Variants in RFTN1 observed in about 807,000 individuals in gnomAD.
RFTN1 encodes the protein raftlin.
Under a neutral mutation model 46.5 loss-of-function variants are expected in RFTN1, and 26 were observed. That is an observed-to-expected ratio of 0.56 (90% confidence interval 0.41 to 0.78). RFTN1 has a LOEUF of 0.78. RFTN1 is among the 30% of genes least tolerant of loss of function. RFTN1 has a pLI of 0.00. For synonymous variants in RFTN1, 261 were observed against 284.2 expected (o/e 0.92, Z 0.82); for missense variants, 693 against 718.7 (o/e 0.96, Z 0.41).
intron 2 of RFTN1, 95 bp from the exon 3 acceptor site, chr3:16,434,132 T>G (rs1430213600): frequency 1.0e-6 from 1 of 1,003,868 alleles, no homozygotes; most frequent in Non-Finnish European, 1.4e-6. Context: ...GGGAGGATCC[T>G]CTAGGTCACT....
At chr3:16,495,731 C>T (rs1227796505) in intron 1 of RFTN1, among the ~76,000 whole-genome samples, 3 of 152,196 alleles carry the variant, frequency 2.0e-5, no homozygotes, top group African/African-American at 7.2e-5. Context: ...TGTCAGAGAT[C>T]CCACCACTAG....
In RFTN1 at chr3:16,428,105, T is replaced by C. The variant is rs1351865902; in HGVS notation, c.332+5746A>G. On this transcript the variant is annotated intron_variant, in intron 3 of 9. Transcript: ENST00000334133. This position sits in a 1 kb window ranked among gnomAD's most constrained non-coding sequence, Gnocchi z 4.7. Reference sequence around the variant, plus strand: ...CATCTTTGCATAGTGAAATTACATATACATATTTACCTTAGAAAAATCCAA... The same window carrying C: ...CATCTTTGCATAGTGAAATTACATACACATATTTACCTTAGAAAAATCCAA... Among the ~76,000 whole-genome samples the C allele has an allele frequency of 6.6e-6, 1 of 152,210 alleles. No homozygotes were observed. The highest frequency in any genetic ancestry group is 1.5e-5 in the Non-Finnish European group (1 of 68,026).
At position 16,334,393 on chromosome 3, in the gene RFTN1, C is replaced by T. The variant is rs1559826988; in HGVS notation, c.1147-7517G>A. On this transcript the variant is annotated intron_variant, in intron 7 of 9. Coordinates refer to ENST00000334133, the MANE Select transcript of RFTN1 (RefSeq NM_015150.2). The surrounding 1 kb of genome is among the most constrained non-coding windows in gnomAD (Gnocchi z 4.3). ...TTACAAACACATTTTCCCTTTGACC[C>T]AACAATCTCACTTCTGGGAATTTAA... is the stretch of plus-strand genomic sequence containing the variant. Among the ~76,000 whole-genome samples the T allele has an allele frequency of 6.6e-6, 1 of 152,096 alleles. No homozygotes were observed. The highest frequency in any genetic ancestry group is 1.5e-5 in the Non-Finnish European group (1 of 68,028).
intron 6 of RFTN1, among the ~76,000 whole-genome samples, chr3:16,362,786 T>C (rs2072913804): frequency 6.6e-6 from 1 of 152,166 alleles, no homozygotes. Context: ...AATTATATGA[T>C]GGTGTTTAGC....
intron 6 of RFTN1, among the ~76,000 whole-genome samples, chr3:16,360,331 C>T (rs2072751075): frequency 6.6e-6 from 1 of 152,168 alleles, no homozygotes; most frequent in African/African-American, 2.4e-5. Context: ...GCCACCACCC[C>T]AGCTAATTTT....
intron 3 of RFTN1, among the ~76,000 whole-genome samples, chr3:16,431,942 C>A (rs916184829): frequency 1.3e-5 from 2 of 152,164 alleles, no homozygotes; most frequent in African/African-American, 4.8e-5. Context: ...TTCCTGGGAG[C>A]AAGGCAGAAC....
intron 2 of RFTN1, among the ~76,000 whole-genome samples, chr3:16,464,812 A>G (rs2076062725): frequency 6.6e-6 from 1 of 152,248 alleles, no homozygotes; most frequent in Non-Finnish European, 1.5e-5. Flanking sequence ...CATCACCCAC[A>G]AAGCCCAAAA....
intron 2 of RFTN1, among the ~76,000 whole-genome samples, chr3:16,490,996 G>T (rs2076531653): frequency 1.3e-5 from 2 of 152,168 alleles, no homozygotes; most frequent in South Asian, 4.1e-4. Flanking sequence ...ATAAAAGAGA[G>T]AAAATCCCTG....
chr3:16,385,553 A>AG lies in RFTN1; in HGVS notation c.442-7452_442-7451insC, dbSNP rs1196307736. ...TATTATTGGTCAAATCAGTTGATTT[A>AG]TTTTAGCCTCAGTTTCTTAATCTAT... is the stretch of plus-strand genomic sequence containing the variant. On this transcript the variant is annotated intron_variant, in intron 4 of 9. Transcript: ENST00000334133. This position sits in a 1 kb window ranked among gnomAD's most constrained non-coding sequence, Gnocchi z 5.0. Among the ~76,000 whole-genome samples the AG allele has an allele frequency of 6.6e-6, 1 of 152,214 alleles. No homozygotes were observed. The highest frequency in any genetic ancestry group is 1.9e-4 in the East Asian group (1 of 5,204).
chr3:16,480,447 C>T lies in RFTN1; in HGVS notation c.145+13278G>A, dbSNP rs553112221. 2.0e-5 allele frequency among the ~76,000 whole-genome samples: 3 copies of T among 152,242 alleles called. No individual in the cohort carries two copies. In the South Asian group the frequency reaches 6.2e-4, roughly 32 times the overall value. On this transcript the variant is annotated intron_variant, in intron 2 of 9. Transcript: ENST00000334133. The surrounding 1 kb of genome is among the most constrained non-coding windows in gnomAD (Gnocchi z 4.3). ...GAATAGAAAAACATCTCAGTGGCTG[C>T]TAAGTGTAGCAGGTACTCCTTGCCC... is the stretch of plus-strand genomic sequence containing the variant.
At chr3:16,372,471 G>A (rs1339824847) in intron 5 of RFTN1, among the ~76,000 whole-genome samples, 1 of 152,098 alleles carries the variant, frequency 6.6e-6, no homozygotes, top group Non-Finnish European at 1.5e-5. Context: ...CCCCAACATG[G>A]GCCATAGCAC....
intron 1 of RFTN1, among the ~76,000 whole-genome samples, chr3:16,510,233 C>T (rs781457799): frequency 6.6e-6 from 1 of 152,142 alleles, no homozygotes; most frequent in African/African-American, 2.4e-5. Context: ...TTTCAGTAGC[C>T]GGCTGACCAA....
chr3:16,454,979 C>T (rs2075880485), intron 2 of RFTN1: 1 of 157,318 alleles, frequency 6.4e-6, no homozygotes, highest in East Asian at 1.9e-4. Flanking sequence ...CAGCAAAACC[C>T]AGCCTCCTCC....
rs2075828645 is a variant in RFTN1, at chr3:16,451,918, G to A, written c.146-17881C>T. Among the ~76,000 whole-genome samples the A allele has an allele frequency of 6.6e-6, 1 of 152,122 alleles. No homozygotes were observed. Among genetic ancestry groups the A allele is most frequent in the African/African-American group, 2.4e-5 (1 of 41,408 alleles). On this transcript the variant is annotated intron_variant, in intron 2 of 9. Coordinates refer to ENST00000334133, the MANE Select transcript of RFTN1 (RefSeq NM_015150.2). The surrounding 1 kb of genome is among the most constrained non-coding windows in gnomAD (Gnocchi z 4.2). ...TGGGGCCACTGTTGAGTAAAATAAG[G>A]GTGACTTGAACACAAGCAGTTCTAT...
In RFTN1 at chr3:16,405,735, T is replaced by TG; in HGVS notation, c.441+3639dup. ...AAATAATACTGGGGCATTGTTCTTA[T>TG]GAAAAAATCTAATCCTTTTGAGTTT... On this transcript the variant is annotated intron_variant, in intron 4 of 9. Transcript: ENST00000334133. Among the ~76,000 whole-genome samples, 2 of 152,308 alleles carry TG rather than the reference T, an allele frequency of 1.3e-5. 1 individual carries two copies. Among genetic ancestry groups the TG allele is most frequent in the East Asian group, 3.9e-4 (2 of 5,190 alleles).
chr3:16,434,119 TCGG>T, intron 2 of RFTN1, 82 bp from the exon 3 acceptor site: 1 of 1,208,670 alleles, frequency 8.3e-7, no homozygotes, highest in Non-Finnish European at 1.1e-6. Context: ...TCCCTTGCCC[TCGG>T]GGAGGATCCT....
intron 2 of RFTN1, among the ~76,000 whole-genome samples, chr3:16,435,465 G>C (rs772852624): frequency 6.6e-6 from 1 of 152,178 alleles, no homozygotes; most frequent in African/African-American, 2.4e-5. Context: ...AGCTACTCGG[G>C]AGGCTGAGGC....
intron 6 of RFTN1, among the ~76,000 whole-genome samples, chr3:16,369,069 A>G (rs368715726): frequency 1.2e-4 from 18 of 152,382 alleles, no homozygotes; most frequent in African/African-American, 3.6e-4. Flanking sequence ...ATACTTAGAT[A>G]GAGACTCGCA....
rs1334269471 is a variant in RFTN1, at chr3:16,447,644, G to A, written c.146-13607C>T. Among the ~76,000 whole-genome samples, 1 of 152,218 alleles carries A rather than the reference G, an allele frequency of 6.6e-6. No homozygotes were observed. The highest frequency in any genetic ancestry group is 1.5e-5 in the Non-Finnish European group (1 of 68,042). ...TCCAGTGAAAAAGAGAAAAGTTTGA[G>A]AATGAGATCAAGTAAACAATTAGGT... On this transcript the variant is annotated intron_variant, in intron 2 of 9. Coordinates refer to ENST00000334133, the MANE Select transcript of RFTN1 (RefSeq NM_015150.2). The surrounding 1 kb of genome is among the most constrained non-coding windows in gnomAD (Gnocchi z 5.9).
Sources: allele counts gnomAD v4.1 joint callset (sites outside exome capture counted in the v4.1 genomes callset), GRCh38; gene constraint gnomAD v4.1.1; non-coding constraint Gnocchi (gnomAD v3.1); transcripts MANE v1.5; gene names NCBI Gene and HGNC (gene_info 2026-07-23, HGNC 2026-07-21).